Variants in MAST2 observed in about 807,000 individuals in gnomAD.
MAST2 encodes the protein microtubule-associated serine/threonine-protein kinase 2.
In MAST2, 70 loss-of-function variants were observed where a neutral mutation model predicts 147.4. The ratio of observed to expected loss-of-function variants is 0.47; its 90% CI spans 0.39 to 0.58. MAST2 has a LOEUF of 0.58. MAST2 is among the 20% of genes least tolerant of loss of function. The pLI, the probability that MAST2 is intolerant of heterozygous loss-of-function variation, is 0.00. For synonymous variants in MAST2, 869 were observed against 896.8 expected (o/e 0.97, Z 0.55); for missense variants, 2,080 against 2,302.3 (o/e 0.90, Z 1.98).
intron 5 of MAST2, 66 bp from the exon 6 acceptor site, chr1:45,997,658 C>A: frequency 8.1e-7 from 1 of 1,236,344 alleles, no homozygotes; most frequent in South Asian, 1.2e-5. Flanking sequence ...ATTTCTTGCC[C>A]GAAAGTCATG....
intron 10 of MAST2, 37 bp from the exon 11 acceptor site, chr1:46,019,559 G>A: frequency 6.4e-7 from 1 of 1,564,532 alleles, no homozygotes; most frequent in South Asian, 1.1e-5. Flanking sequence ...CAGCCACACT[G>A]GGCCAATAGA....
intron 3 of MAST2, among the ~76,000 whole-genome samples, chr1:45,852,820 T>G (rs2148002087): frequency 6.6e-6 from 1 of 151,932 alleles, no homozygotes; most frequent in South Asian, 2.1e-4. Context: ...CATTGTATGG[T>G]CACACATCAC....
chr1:46,019,534 T>A, intron 10 of MAST2, 62 bp from the exon 11 acceptor site: 3 of 1,350,628 alleles, frequency 2.2e-6, no homozygotes, highest in Non-Finnish European at 2.1e-6. Flanking sequence ...CTGCCCTGTC[T>A]GGTCCTGCTT....
At chr1:45,896,636 C>T (rs952318862) in intron 4 of MAST2, among the ~76,000 whole-genome samples, 9 of 152,142 alleles carry the variant, frequency 5.9e-5, no homozygotes, top group African/African-American at 1.9e-4. Flanking sequence ...GAAAGGAGAG[C>T]TGGAGAAGGT....
chr1:45,924,011 A>G (rs545870969), intron 4 of MAST2, among the ~76,000 whole-genome samples: 2 of 152,216 alleles, frequency 1.3e-5, no homozygotes, highest in East Asian at 1.9e-4. Flanking sequence ...AGCTGGGATT[A>G]CAGACACCCG....
At chr1:45,928,512 G>T (rs1654759285) in intron 4 of MAST2, among the ~76,000 whole-genome samples, 1 of 151,582 alleles carries the variant, frequency 6.6e-6, no homozygotes, top group Non-Finnish European at 1.5e-5. Context: ...AATATTACTG[G>T]GACAACAGAC....
intron 5 of MAST2, among the ~76,000 whole-genome samples, chr1:45,995,840 C>G (rs1645034233): frequency 6.6e-6 from 1 of 152,178 alleles, no homozygotes; most frequent in South Asian, 2.1e-4. Context: ...TCAGGGATAC[C>G]TGCTCCTCAG....
chr1:45,946,799 A>G (rs959679878), intron 4 of MAST2, among the ~76,000 whole-genome samples: 5 of 152,202 alleles, frequency 3.3e-5, no homozygotes, highest in African/African-American at 1.2e-4. Context: ...TCACAATAGT[A>G]GTCAAGGTGG....
chr1:45,932,926 C>T (rs953736334), intron 4 of MAST2, among the ~76,000 whole-genome samples: 1 of 151,850 alleles, frequency 6.6e-6, no homozygotes, highest in Non-Finnish European at 1.5e-5. Context: ...AGCTTTTTCT[C>T]TAGGCAGCAT....
intron 5 of MAST2, among the ~76,000 whole-genome samples, chr1:45,980,402 C>G (rs1644360281): frequency 6.6e-6 from 1 of 152,092 alleles, no homozygotes; most frequent in Admixed American, 6.6e-5. Context: ...TACCCCAAAC[C>G]TCAGCATCAC....
intron 7 of MAST2, among the ~76,000 whole-genome samples, chr1:46,004,883 G>A (rs1431040033): frequency 6.6e-6 from 1 of 152,008 alleles, no homozygotes; most frequent in Non-Finnish European, 1.5e-5. Flanking sequence ...GACCAGCCTG[G>A]ACAACACAGC....
chr1:45,869,776 C>T (rs1646304245), intron 3 of MAST2, among the ~76,000 whole-genome samples: 1 of 152,186 alleles, frequency 6.6e-6, no homozygotes, highest in African/African-American at 2.4e-5. Flanking sequence ...TGATAAAGTA[C>T]AGTATATTAC....
Position 46,035,165 on chromosome 1 carries a change from G to A in MAST2, c.4496G>A (p.Arg1499His), listed in dbSNP as rs781628244. Residue 1499 changes from arginine to histidine, a missense_variant, in exon 29 of 29, where the codon CGT (arginine) becomes CAT (histidine). This residue lies in a region of MAST2 where 1,278 missense variants were observed against 1,304.2 expected (regional missense o/e 0.98). Transcript: ENST00000361297. This position sits in a 1 kb window ranked among gnomAD's most constrained non-coding sequence, Gnocchi z 5.5. Reference sequence around the variant, plus strand: ...TCGCTGCAGAAGCAAGAAGCCATTCGTGAGGTGGACTCCTCAGAGGACGAC... The same window carrying A: ...TCGCTGCAGAAGCAAGAAGCCATTCATGAGGTGGACTCCTCAGAGGACGAC... Reference protein sequence around the residue: ...RESLQKQEAIREVDSSEDDTE... With the variant: ...RESLQKQEAIHEVDSSEDDTE... 32 of 1,613,846 alleles carry A rather than the reference G, an allele frequency of 2.0e-5. No homozygotes were observed. Among genetic ancestry groups the A allele is most frequent in the African/African-American group, 5.3e-5 (4 of 74,918 alleles).
At chr1:45,876,819 C>A (rs1299297270) in intron 3 of MAST2, among the ~76,000 whole-genome samples, 1 of 152,100 alleles carries the variant, frequency 6.6e-6, no homozygotes, top group African/African-American at 2.4e-5. Context: ...GATGGATTTC[C>A]ACGGATGCGC....
chr1:45,998,726 A>G (rs1352122686), intron 6 of MAST2, among the ~76,000 whole-genome samples: 1 of 150,350 alleles, frequency 6.7e-6, no homozygotes, highest in Non-Finnish European at 1.5e-5. Context: ...TAATACTTAG[A>G]CTACTTTTTT....
chr1:45,847,781 T>G (rs1645490141), intron 3 of MAST2, among the ~76,000 whole-genome samples: 2 of 152,092 alleles, frequency 1.3e-5, no homozygotes, highest in Non-Finnish European at 2.9e-5. Flanking sequence ...CTCGAACTCC[T>G]GGGTTCAAGC....
intron 5 of MAST2, among the ~76,000 whole-genome samples, chr1:45,979,947 C>T (rs558343420): frequency 5.4e-4 from 82 of 152,332 alleles, no homozygotes; most frequent in Non-Finnish European, 9.6e-4. Context: ...ACTGCATGTT[C>T]TCCCTTATAT....
intron 1 of MAST2, among the ~76,000 whole-genome samples, chr1:45,818,249 C>T (rs183378228): frequency 7.2e-4 from 109 of 152,320 alleles, no homozygotes; most frequent in Middle Eastern, 3.4e-3. Context: ...AGATGTTATG[C>T]TTTCACTGGG....
Position 45,824,581 on chromosome 1 carries a change from G to A in MAST2, c.325+1G>A, listed in dbSNP as rs777841505. On this transcript the variant is annotated splice_donor_variant, in intron 2 of 28. Coordinates refer to ENST00000361297, the MANE Select transcript of MAST2 (RefSeq NM_015112.3). LOFTEE classifies it high-confidence loss of function. ...GGAAACCTGGCCAGCTCTCTATCGG[G>A]TAAATATCTGATTTTGTTGTTTTAA... 2 of 1,578,092 alleles carry A rather than the reference G, an allele frequency of 1.3e-6. No individual in the cohort carries two copies. Among genetic ancestry groups the A allele is most frequent in the Admixed American group, 3.6e-5 (2 of 55,722 alleles).
Sources: allele counts gnomAD v4.1 joint callset (sites outside exome capture counted in the v4.1 genomes callset), GRCh38; gene constraint gnomAD v4.1.1; regional missense constraint gnomAD v4.1.1; non-coding constraint Gnocchi (gnomAD v3.1); transcripts MANE v1.5; gene names NCBI Gene and HGNC (gene_info 2026-07-23, HGNC 2026-07-21).